Variants in CEP63 observed in about 807,000 individuals in gnomAD.
CEP63 encodes the protein centrosomal protein of 63 kDa.
CEP63 carries 84 observed loss-of-function variants against 89.1 expected under a neutral mutation model. That is an observed-to-expected ratio of 0.94 (90% CI 0.79 to 1.13). The LOEUF is 1.13. CEP63 is among the 50% of genes most tolerant of loss of function. The pLI is 0.00. For missense variants in CEP63, 838 were observed against 813.3 expected (o/e 1.03, Z -0.37); for synonymous variants, 267 against 272.5 (o/e 0.98, Z 0.20).
At chr3:134,520,366 G>A (rs1012998142) in intron 3 of CEP63, among the ~76,000 whole-genome samples, 5 of 152,054 alleles carry the variant, frequency 3.3e-5, no homozygotes, top group Admixed American at 6.5e-5. Context: ...AATGAAAGAG[G>A]TATAAGACCT....
chr3:134,575,178 GTC>G (rs1166742954), downstream of CEP63, among the ~76,000 whole-genome samples: 172 of 48,084 alleles, frequency 3.6e-3, 2 homozygotes, highest in African/African-American at 0.014. Flanking sequence ...CTCCCTCCCT[GTC>G]TCTCTCTCTC....
chr3:134,692,030 G>A, the CEP63 span, among the ~76,000 whole-genome samples: 1 of 152,170 alleles, frequency 6.6e-6, no homozygotes, highest in African/African-American at 2.4e-5. Context: ...TACATGTACT[G>A]AATATCCCTT....
At chr3:134,610,102 C>T in the CEP63 span, 40 of 1,376,686 alleles carry the variant, frequency 2.9e-5, no homozygotes, top group African/African-American at 1.4e-4. Flanking sequence ...CTTCCCCTCC[C>T]GCTTGGTCTT....
At chr3:134,492,297 T>A (rs1045047476) in intron 1 of CEP63, among the ~76,000 whole-genome samples, 1 of 152,110 alleles carries the variant, frequency 6.6e-6, no homozygotes, top group Admixed American at 6.5e-5. Flanking sequence ...TGGTCTAATT[T>A]TATGTAATTA....
At position 134,551,971 on chromosome 3, in the gene CEP63, C is replaced by T. The variant is rs1954965287; in HGVS notation, c.1426C>T (p.Leu476Phe). The T allele has an allele frequency of 6.2e-7, 1 of 1,608,500 alleles. No individual in the cohort carries two copies. Among genetic ancestry groups the T allele is most frequent in the South Asian group, 1.1e-5 (1 of 90,508 alleles). The change falls in exon 12 of 15, where the codon CTT becomes TTT. Residue 476 changes from leucine (L) to phenylalanine (F), a missense_variant. Coordinates refer to ENST00000675561, the MANE Select transcript of CEP63 (RefSeq NM_001353108.3). Reference protein sequence around the residue: ...LESLKLENRHLSEMVMKLELG... With the variant: ...LESLKLENRHFSEMVMKLELG... ...GTCACTCAAATTAGAAAATCGTCAT[C>T]TTTCTGAAATGGTGATGAAATTGGA...
At chr3:134,601,830 C>T in the CEP63 span, among the ~76,000 whole-genome samples, 2 of 152,188 alleles carry the variant, frequency 1.3e-5, no homozygotes, top group East Asian at 1.9e-4. Flanking sequence ...GGAGGGATCC[C>T]GGGGGATAAT....
the CEP63 span, chr3:134,619,140 T>C: frequency 1.9e-6 from 3 of 1,610,846 alleles, no homozygotes; most frequent in Non-Finnish European, 2.5e-6. Context: ...GACTCCTGTC[T>C]CTCGTACCTG....
At chr3:134,588,947 T>C (rs1958543246), downstream of CEP63, among the ~76,000 whole-genome samples, 1 of 152,184 alleles carries the variant, frequency 6.6e-6, no homozygotes, top group Non-Finnish European at 1.5e-5. Context: ...CCAACAGCTG[T>C]AAACATTTAA....
the CEP63 span, chr3:134,604,570 C>T: frequency 2.3e-5 from 25 of 1,080,218 alleles, no homozygotes; most frequent in Admixed American, 5.1e-4. Context: ...GAAAAACGTC[C>T]TGACTTATAG....
chr3:134,699,435 G>A, the CEP63 span, among the ~76,000 whole-genome samples: 1 of 152,236 alleles, frequency 6.6e-6, no homozygotes, highest in Non-Finnish European at 1.5e-5. Flanking sequence ...GAACACACAA[G>A]CGGCTAGCCT....
downstream of CEP63, among the ~76,000 whole-genome samples, chr3:134,590,209 A>G (rs1414276802): frequency 6.6e-6 from 1 of 152,158 alleles, no homozygotes; most frequent in East Asian, 1.9e-4. Context: ...CCTACATAAA[A>G]AACCTGTACA....
the CEP63 span, chr3:134,625,234 C>A: frequency 1.1e-6 from 1 of 880,260 alleles, no homozygotes; most frequent in Non-Finnish European, 1.8e-6. Flanking sequence ...GACTGTCCAA[C>A]CTTTAACACA....
rs534952786 is a variant in CEP63, at chr3:134,580,136, A to C, written c.1207-7322A>C. Reference sequence around the variant, plus strand: ...CTTTAACCTGAGAGGCAGAGGTTGCAGTGAGCTGAGATTGCGCCATTGCAC... The same window carrying C: ...CTTTAACCTGAGAGGCAGAGGTTGCCGTGAGCTGAGATTGCGCCATTGCAC... On this transcript the variant is annotated intron_variant, in intron 10 of 10. Coordinates refer to the CEP63 transcript ENST00000683931. Among the ~76,000 whole-genome samples, 552 of 151,308 alleles carry C rather than the reference A, an allele frequency of 3.6e-3. 4 individuals are homozygous for C. Among genetic ancestry groups the C allele is most frequent in the Non-Finnish European group, 4.8e-3 (328 of 67,886 alleles).
In CEP63 at chr3:134,507,146, C is replaced by T. The variant is rs1943665171; in HGVS notation, c.82C>T (p.Leu28Phe). 1 of 1,613,184 alleles carries T rather than the reference C, an allele frequency of 6.2e-7. No homozygotes were observed. Among genetic ancestry groups the T allele is most frequent in the African/African-American group, 1.3e-5 (1 of 74,710 alleles). The part of the protein sequence containing the change: ...LTSCEAELQE[L>F]MKQIDIMVAH... The stretch of plus-strand genomic sequence containing the variant: ...ATCTTGTGAAGCAGAACTACAGGAG[C>T]TCATGAAACAGATTGACATAATGGT... The change falls in exon 3 of 15, where the codon CTC becomes TTC. Residue 28 changes from leucine (L) to phenylalanine (F), a missense_variant. Physicochemically the swap from Leu to Phe is conservative, Grantham distance 22 (BLOSUM62 0). Coordinates refer to ENST00000675561, the MANE Select transcript of CEP63 (RefSeq NM_001353108.3).
chr3:134,495,372 T>A lies in CEP63; in HGVS notation c.44+8T>A, dbSNP rs764572077. The A allele has an allele frequency of 1.2e-6, 2 of 1,606,706 alleles. No individual in the cohort carries two copies. Among genetic ancestry groups the A allele is most frequent in the African/African-American group, 2.7e-5 (2 of 74,774 alleles). On this transcript the variant is annotated splice_region_variant and intron_variant, in intron 2 of 14. Transcript: ENST00000675561. ...AAATCGAGGGCATGGTGGGTAAGTT[T>A]GCTTTTTTTAAAATTAATTTTTTTG...
At chr3:134,507,530 A>G (rs1265776749) in intron 3 of CEP63, among the ~76,000 whole-genome samples, 1 of 152,150 alleles carries the variant, frequency 6.6e-6, no homozygotes, top group East Asian at 1.9e-4. Context: ...TCTTTAAGAA[A>G]ATGTAAAAGG....
the CEP63 span, chr3:134,607,439 A>T: frequency 4.1e-6 from 4 of 985,448 alleles, no homozygotes; most frequent in African/African-American, 7.0e-5. Context: ...ACCCTGTGCT[A>T]ATAGTCAGTG....
the CEP63 span, chr3:134,597,982 C>T: frequency 6.6e-6 from 1 of 152,210 alleles, no homozygotes; most frequent in Non-Finnish European, 1.5e-5. Context: ...TGTTTACCTG[C>T]AGGTAGGGCT....
the CEP63 span, among the ~76,000 whole-genome samples, chr3:134,758,606 A>G: frequency 6.6e-6 from 1 of 152,208 alleles, no homozygotes; most frequent in Non-Finnish European, 1.5e-5. Context: ...TTTTGCAGGT[A>G]TTTATTGATT....
Sources: allele counts gnomAD v4.1 joint callset (sites outside exome capture counted in the v4.1 genomes callset), GRCh38; gene constraint gnomAD v4.1.1; transcripts MANE v1.5; gene names NCBI Gene and HGNC (gene_info 2026-07-23, HGNC 2026-07-21).